Variants in CD86 observed in about 807,000 individuals in gnomAD.
The protein encoded by CD86 is T-lymphocyte activation antigen CD86.
Under a neutral mutation model 32.1 loss-of-function variants are expected in CD86, and 11 were observed. The observed-to-expected ratio is 0.34, with a 90% CI of 0.22 to 0.57. CD86 has a LOEUF of 0.57. CD86 is among the 20% of genes least tolerant of loss of function. CD86 has a pLI of 0.86. For synonymous variants in CD86, 137 were observed against 135.3 expected, an observed-to-expected ratio of 1.01 and a Z score of -0.09; for missense variants, 359 against 398.4, an observed-to-expected ratio of 0.90 and a Z score of 0.84.
At chr3:122,118,999 G>C (rs1465111697) in intron 6 of CD86, among the ~76,000 whole-genome samples, 1 of 152,176 alleles carries the variant, frequency 6.6e-6, no homozygotes, top group Non-Finnish European at 1.5e-5. Context: ...TGGTTTCAGA[G>C]ATAGGGTCAT....
At chr3:122,112,744 G>T (rs1338827863) in intron 5 of CD86, among the ~76,000 whole-genome samples, 2 of 151,952 alleles carry the variant, frequency 1.3e-5, no homozygotes, top group Non-Finnish European at 2.9e-5. Context: ...ATTTTGTCAT[G>T]GGTATAAAAG....
intron 1 of CD86, among the ~76,000 whole-genome samples, chr3:122,063,532 C>T (rs1375428605): frequency 6.6e-6 from 1 of 151,522 alleles, no homozygotes; most frequent in Non-Finnish European, 1.5e-5. Flanking sequence ...GAAAATAATC[C>T]ACAGAATGTG....
At chr3:122,118,768 A>T (rs2073295969) in intron 6 of CD86, among the ~76,000 whole-genome samples, 1 of 152,262 alleles carries the variant, frequency 6.6e-6, no homozygotes, top group Admixed American at 6.5e-5. Context: ...TTGTGCTGCT[A>T]GCACTTAGCA....
intron 2 of CD86, among the ~76,000 whole-genome samples, chr3:122,101,028 G>A (rs1429972724): frequency 6.6e-6 from 1 of 152,170 alleles, no homozygotes; most frequent in African/African-American, 2.4e-5. Flanking sequence ...GATCATGGAA[G>A]CCAGTGGTTG....
chr3:122,069,490 C>T (rs1316782206), intron 1 of CD86, among the ~76,000 whole-genome samples: 3 of 152,130 alleles, frequency 2.0e-5, no homozygotes, highest in Non-Finnish European at 2.9e-5. Context: ...CCTTGGCCAA[C>T]CCCTGCCATT....
chr3:122,098,308 A>G (rs529280845), intron 2 of CD86, among the ~76,000 whole-genome samples: 6 of 152,314 alleles, frequency 3.9e-5, no homozygotes, highest in Non-Finnish European at 7.4e-5. Context: ...AAAGACCTAC[A>G]TGAAGTGAAG....
At position 122,119,873 on chromosome 3, in the gene CD86, A is replaced by T; in HGVS notation, c.*339A>T. On this transcript the variant is annotated 3_prime_UTR_variant, in exon 7 of 7. Coordinates refer to ENST00000330540, the MANE Select transcript of CD86 (RefSeq NM_175862.5). The stretch of plus-strand genomic sequence containing the variant: ...ATTTCATAGATTGTGTTTTTTTTTT[A>T]AATAGACCTCTCAATTTCTGGAAAA... 1.7e-5 allele frequency: 3 copies of T among 178,254 alleles called. No homozygotes were observed. The highest frequency in any genetic ancestry group is 3.5e-5 in the Non-Finnish European group (3 of 86,874). The allele number at this position is 178,254 out of a possible 1,614,324, so 11.0% of individuals were successfully genotyped here.
chr3:122,088,608 A>T (rs2072763479), intron 1 of CD86, among the ~76,000 whole-genome samples: 1 of 152,184 alleles, frequency 6.6e-6, no homozygotes, highest in South Asian at 2.1e-4. Context: ...TCTCTGTCTG[A>T]TTCCTGTGAG....
chr3:122,099,414 A>G (rs557404775), intron 2 of CD86, among the ~76,000 whole-genome samples: 25 of 152,328 alleles, frequency 1.6e-4, no homozygotes, highest in African/African-American at 6.0e-4. Flanking sequence ...GGAAAGAGAA[A>G]CTAAAAGCAG....
chr3:122,114,757 C>T (rs532784191), intron 5 of CD86, among the ~76,000 whole-genome samples: 1 of 152,124 alleles, frequency 6.6e-6, no homozygotes, highest in East Asian at 1.9e-4. Context: ...AAGAAAAAAA[C>T]ATATGATCAT....
At chr3:122,076,908 C>T (rs549216357) in intron 1 of CD86, among the ~76,000 whole-genome samples, 67 of 152,280 alleles carry the variant, frequency 4.4e-4, no homozygotes, top group Middle Eastern at 3.4e-3. Flanking sequence ...GTGGTCAAGC[C>T]AGGACTGGAC....
intron 1 of CD86, among the ~76,000 whole-genome samples, chr3:122,059,306 C>T (rs2072289457): frequency 6.6e-6 from 1 of 151,976 alleles, no homozygotes; most frequent in Non-Finnish European, 1.5e-5. Flanking sequence ...ACCTTGACAT[C>T]TAAGGAGGGA....
chr3:122,100,015 T>C (rs957666374), intron 2 of CD86, among the ~76,000 whole-genome samples: 2 of 152,074 alleles, frequency 1.3e-5, no homozygotes, highest in African/African-American at 2.4e-5. Flanking sequence ...TATATTGAGA[T>C]TAAGATTCTA....
chr3:122,062,088 TA>T (rs1047767943), intron 1 of CD86, among the ~76,000 whole-genome samples: 118 of 133,402 alleles, frequency 8.8e-4, no homozygotes, highest in African/African-American at 1.2e-3. Context: ...GTTTAAAAAG[TA>T]AAAAAAAAAA....
chr3:122,071,728 A>AT (rs80281558), intron 1 of CD86, among the ~76,000 whole-genome samples: 23,369 of 149,476 alleles, frequency 0.16, 2,334 homozygotes, highest in East Asian at 0.55. Context: ...TCTTTTCTTT[A>AT]TTTTTTTTTT....
At chr3:122,072,102 G>C (rs980994574) in intron 1 of CD86, among the ~76,000 whole-genome samples, 2 of 150,662 alleles carry the variant, frequency 1.3e-5, no homozygotes, top group Non-Finnish European at 3.0e-5. Context: ...GTGTATATGT[G>C]CCATATTTTC....
chr3:122,107,414 A>G (rs941008232), intron 4 of CD86, among the ~76,000 whole-genome samples: 1 of 152,220 alleles, frequency 6.6e-6, no homozygotes. Context: ...TGTGTTCACA[A>G]GTATTCTTCA....
chr3:122,055,535 G>A (rs2107490713), intron 1 of CD86, 32 bp downstream of exon 1: 2 of 1,610,436 alleles, frequency 1.2e-6, no homozygotes, highest in South Asian at 1.1e-5. Flanking sequence ...TTGCAGAGAA[G>A]TTATGAGTTG....
At chr3:122,059,535 CAAA>C (rs35060876) in intron 1 of CD86, among the ~76,000 whole-genome samples, 6 of 67,942 alleles carry the variant, frequency 8.8e-5, no homozygotes, top group Admixed American at 1.7e-4. Context: ...GACTCCGTCT[CAAA>C]AAAAAAAAAA....
Sources: allele counts gnomAD v4.1 joint callset (sites outside exome capture counted in the v4.1 genomes callset), GRCh38; gene constraint gnomAD v4.1.1; transcripts MANE v1.5; gene names NCBI Gene and HGNC (gene_info 2026-07-23, HGNC 2026-07-21).